Variants in ALG9 observed in about 807,000 individuals in gnomAD.
The protein encoded by ALG9 is ALG9 alpha-1,2-mannosyltransferase, also known as alpha-1,2-mannosyltransferase ALG9.
In ALG9, 55 loss-of-function variants were observed where a neutral mutation model predicts 81.8. The observed-to-expected ratio is 0.67, with a 90% confidence interval of 0.54 to 0.84. ALG9 has a LOEUF of 0.84. ALG9 is among the 40% of genes least tolerant of loss of function. ALG9 has a pLI of 0.00. For synonymous variants in ALG9, 278 were observed against 274.3 expected, an observed-to-expected ratio of 1.01 and a Z score of -0.13; for missense variants, 629 against 745.0, an observed-to-expected ratio of 0.84 and a Z score of 1.81.
chr11:111,841,942 G>C (rs1956277532), intron 9 of ALG9, among the ~76,000 whole-genome samples: 2 of 152,168 alleles, frequency 1.3e-5, no homozygotes, highest in South Asian at 4.1e-4. Context: ...TGTCACCCAA[G>C]CTGAAGTGCA....
chr11:111,822,271 C>T (rs1336943093), intron 13 of ALG9, among the ~76,000 whole-genome samples: 6 of 150,238 alleles, frequency 4.0e-5, no homozygotes, highest in Admixed American at 2.7e-4. Context: ...TAGCCAGGCA[C>T]GGTGGCACGT....
chr11:111,853,511 G>C (rs782626624), intron 7 of ALG9, 26 bp from the exon 8 acceptor site: 4 of 1,595,492 alleles, frequency 2.5e-6, no homozygotes, highest in South Asian at 1.1e-5. Context: ...AAATAGTTTT[G>C]ATCTAGAAAC....
chr11:111,844,784 T>G (rs1956719787), intron 8 of ALG9, 61 bp from the exon 9 acceptor site: 1 of 1,566,524 alleles, frequency 6.4e-7, no homozygotes, highest in Non-Finnish European at 8.8e-7. Flanking sequence ...ATTACGGTGC[T>G]TGACATATAA....
chr11:111,863,854 C>T (rs887391416), intron 4 of ALG9, among the ~76,000 whole-genome samples: 10 of 151,956 alleles, frequency 6.6e-5, no homozygotes, highest in African/African-American at 1.7e-4. Flanking sequence ...ATCTTAGGAC[C>T]GAAAATAGGG....
At chr11:111,813,265 G>A (rs1193643273) in intron 13 of ALG9, among the ~76,000 whole-genome samples, 3 of 152,110 alleles carry the variant, frequency 2.0e-5, no homozygotes, top group Non-Finnish European at 2.9e-5. Context: ...AAAGAATGAC[G>A]ATACATTTGA....
At chr11:111,863,562 G>A (rs1961129074) in intron 4 of ALG9, among the ~76,000 whole-genome samples, 1 of 152,024 alleles carries the variant, frequency 6.6e-6, no homozygotes, top group Non-Finnish European at 1.5e-5. Flanking sequence ...GACATTTTTA[G>A]CTGTGGGAAG....
intron 4 of ALG9, among the ~76,000 whole-genome samples, chr11:111,861,596 T>C (rs1960156554): frequency 6.6e-6 from 1 of 152,102 alleles, no homozygotes; most frequent in Non-Finnish European, 1.5e-5. Flanking sequence ...CTCAGCCTCC[T>C]GAATGGCTAG....
intron 14 of ALG9, among the ~76,000 whole-genome samples, chr11:111,807,498 A>G (rs1286584236): frequency 1.3e-5 from 2 of 152,168 alleles, no homozygotes; most frequent in Non-Finnish European, 2.9e-5. Context: ...GGAACTCTCA[A>G]TGCTCCTCTT....
At chr11:111,858,485 T>C (rs1022801325) in intron 5 of ALG9, among the ~76,000 whole-genome samples, 1 of 152,156 alleles carries the variant, frequency 6.6e-6, no homozygotes, top group Non-Finnish European at 1.5e-5. Context: ...CCCCGGAAAT[T>C]CTAGAAAGCC....
chr11:111,822,126 G>T (rs1952496533), intron 13 of ALG9, among the ~76,000 whole-genome samples: 1 of 152,164 alleles, frequency 6.6e-6, no homozygotes, highest in Non-Finnish European at 1.5e-5. Flanking sequence ...AATGCTCTGT[G>T]CTGGGCCCAG....
At chr11:111,817,160 G>C (rs971777653) in intron 13 of ALG9, 7 of 152,206 alleles carry the variant, frequency 4.6e-5, no homozygotes, top group Admixed American at 4.6e-4. Flanking sequence ...TCCAAAGGAA[G>C]AGAATCTGGA....
chr11:111,857,539 A>T (rs1358718117), intron 6 of ALG9, 63 bp downstream of exon 6: 1 of 1,608,686 alleles, frequency 6.2e-7, no homozygotes, highest in South Asian at 1.1e-5. Context: ...TATGGAGCTA[A>T]TCCAACATTA....
At chr11:111,789,473 C>T (rs1443737151) in intron 14 of ALG9, among the ~76,000 whole-genome samples, 2 of 151,650 alleles carry the variant, frequency 1.3e-5, no homozygotes, top group African/African-American at 2.4e-5. Context: ...CTCCTGGGCT[C>T]GAGCAATCCA....
intron 10 of ALG9, among the ~76,000 whole-genome samples, chr11:111,838,820 A>G (rs781811277): frequency 2.2e-4 from 33 of 152,206 alleles, no homozygotes; most frequent in Non-Finnish European, 4.3e-4. Context: ...AAATAAGAAA[A>G]AAGAATTCCC....
At chr11:111,774,420 G>C in the ALG9 span, among the ~76,000 whole-genome samples, 1 of 152,168 alleles carries the variant, frequency 6.6e-6, no homozygotes, top group Non-Finnish European at 1.5e-5. Flanking sequence ...GGCCAGAATA[G>C]TGTACATAGT....
chr11:111,827,427 G>A (rs1252080054), intron 13 of ALG9, among the ~76,000 whole-genome samples: 4 of 152,196 alleles, frequency 2.6e-5, no homozygotes, highest in African/African-American at 7.2e-5. Flanking sequence ...AGTGGGTCGA[G>A]ATGGGCAATA....
rs374321333 is a variant in ALG9 at position 111,840,503 on chromosome 11, T to C, written c.1173+152A>G. 1.1e-4 allele frequency: 94 copies of C among 877,956 alleles called. No homozygotes were observed. In the East Asian group the frequency reaches 1.4e-3, roughly 13 times the overall value. The allele number at this position is 877,956 out of a possible 1,614,324, so 54.4% of individuals were successfully genotyped here. A position where few individuals can be genotyped will look rare whatever the true frequency, so the allele number is the denominator to read the frequency against. On this transcript the variant is annotated intron_variant, in intron 10 of 14. Coordinates refer to ENST00000616540, the MANE Select transcript of ALG9 (RefSeq NM_024740.2). ...ATGGTAAACAGCTAAGCAATCAATA[T>C]AAGAAGGTTTAATAATATGATCTAT...
At chr11:111,853,271 C>T (rs781431409) in intron 8 of ALG9, 109 bp downstream of exon 8, 33 of 783,688 alleles carry the variant, frequency 4.2e-5, no homozygotes, top group Non-Finnish European at 6.3e-5. Flanking sequence ...AAGATAATAT[C>T]AGCCAAGAAA....
At position 111,795,992 on chromosome 11, in the gene ALG9, C is replaced by T. The variant is rs144037396; in HGVS notation, c.1734-9472G>A. On this transcript the variant is annotated intron_variant, in intron 14 of 14. Coordinates refer to ENST00000616540, the MANE Select transcript of ALG9 (RefSeq NM_024740.2). ...GGATGCCAATGTTCGAGAGAGTTTTCGTCCCTGCTCTTCGGACCCTCATTT... is the reference window on the plus strand; with the variant it reads ...GGATGCCAATGTTCGAGAGAGTTTTTGTCCCTGCTCTTCGGACCCTCATTT... Among the ~76,000 whole-genome samples the T allele has an allele frequency of 3.5e-3, 531 of 152,282 alleles. 8 individuals are homozygous for T. Among genetic ancestry groups the T allele is most frequent in the Middle Eastern group, 0.024 (7 of 294 alleles).
Sources: gnomAD v4.1 joint callset for allele counts (sites outside exome capture counted in the v4.1 genomes callset) on GRCh38, gnomAD v4.1.1 for gene constraint, MANE v1.5 for transcripts, NCBI Gene and HGNC (gene_info 2026-07-23, HGNC 2026-07-21) for gene names.